PTK7: variants seen among roughly 807,000 people sequenced by gnomAD.
PTK7 encodes the protein protein tyrosine kinase 7 (inactive), also known as inactive tyrosine-protein kinase 7.
Under a neutral mutation model 116.6 loss-of-function variants are expected in PTK7, and 39 were observed. The observed-to-expected ratio is 0.33, with a 90% CI of 0.26 to 0.44. The LOEUF is 0.44. Among genes scored for constraint, PTK7 ranks in the 20% least tolerant of loss-of-function variants. PTK7 has a pLI of 1.00. For synonymous variants in PTK7, 546 were observed against 563.6 expected, an observed-to-expected ratio of 0.97 and a Z score of 0.44; for missense variants, 1,169 against 1,425.6, an observed-to-expected ratio of 0.82 and a Z score of 2.90.
intron 1 of PTK7, chr6:43,077,007 G>T (rs1766065068): frequency 6.9e-7 from 1 of 1,450,314 alleles, no homozygotes. Flanking sequence ...CTGGTTTGGG[G>T]CCCGATGCCG....
In PTK7 at chr6:43,076,405, T is replaced by G; in HGVS notation, c.-84T>G. Reference sequence around the variant, plus strand: ...TGCTGCTGCGGCGCCCGCGCTCCGGTGCGCTCCGCCTCCTGTGCCCGCCGC... The same window carrying G: ...TGCTGCTGCGGCGCCCGCGCTCCGGGGCGCTCCGCCTCCTGTGCCCGCCGC... On this transcript the variant is annotated 5_prime_UTR_variant, in exon 1 of 20. Coordinates refer to ENST00000230419, the MANE Select transcript of PTK7 (RefSeq NM_002821.5). This position sits in a 1 kb window ranked among gnomAD's most constrained non-coding sequence, Gnocchi z 5.7. The G allele has an allele frequency of 8.8e-7, 1 of 1,137,876 alleles. No individual in the cohort carries two copies. Among genetic ancestry groups the G allele is most frequent in the Non-Finnish European group, 1.1e-6 (1 of 873,584 alleles). The allele number at this position is 1,137,876 out of a possible 1,614,324, so 70.5% of individuals were successfully genotyped here. A position where few individuals can be genotyped will look rare whatever the true frequency, so the allele number is the denominator to read the frequency against.
At chr6:43,128,067 C>G (rs1347029244) in intron 1 of PTK7, among the ~76,000 whole-genome samples, 1 of 152,208 alleles carries the variant, frequency 6.6e-6, no homozygotes, top group Non-Finnish European at 1.5e-5. Flanking sequence ...GGCTGCAGAG[C>G]ATTTGCGGAT....
At chr6:43,152,946 T>G (rs1771215948) in intron 17 of PTK7, among the ~76,000 whole-genome samples, 1 of 151,092 alleles carries the variant, frequency 6.6e-6, no homozygotes, top group Non-Finnish European at 1.5e-5. Context: ...CCACCACACC[T>G]GGCTAATTTT....
chr6:43,107,202 G>C (rs1767946491), intron 1 of PTK7, among the ~76,000 whole-genome samples: 4 of 152,190 alleles, frequency 2.6e-5, no homozygotes, highest in Admixed American at 6.5e-5. Context: ...GGGATTACAG[G>C]TGTGAGCCAC....
Position 43,160,941 on chromosome 6 carries a change from A to G in PTK7, c.*60A>G. ...AGGACATCTCTAGAGGGAAGCTCACAGCATGATGGGCAAGATCCCTGTCCT... is the reference window on the plus strand; with the variant it reads ...AGGACATCTCTAGAGGGAAGCTCACGGCATGATGGGCAAGATCCCTGTCCT... On this transcript the variant is annotated 3_prime_UTR_variant, in exon 20 of 20. Transcript: ENST00000230419. 1 of 1,578,152 alleles carries G rather than the reference A, an allele frequency of 6.3e-7. No individual in the cohort carries two copies. The highest frequency in any genetic ancestry group is 1.1e-5 in the South Asian group (1 of 87,400).
In PTK7 at chr6:43,139,382, T is replaced by A. The variant is rs369502357; in HGVS notation, c.1499-24T>A. On this transcript the variant is annotated intron_variant, in intron 9 of 19. Coordinates refer to ENST00000230419, the MANE Select transcript of PTK7 (RefSeq NM_002821.5). This position sits in a 1 kb window ranked among gnomAD's most constrained non-coding sequence, Gnocchi z 4.6. ...TCCAGCGGCCCCAATTCCTCGTCTT[T>A]CTACCCACCCTCTGCTGAAACAGAA... 6.2e-7 allele frequency: 1 copy of A among 1,613,986 alleles called. No homozygotes were observed. The highest frequency in any genetic ancestry group is 1.3e-5 in the African/African-American group (1 of 74,924).
At chr6:43,123,142 G>A (rs1339239670) in intron 1 of PTK7, among the ~76,000 whole-genome samples, 3 of 151,762 alleles carry the variant, frequency 2.0e-5, no homozygotes, top group Admixed American at 6.6e-5. Context: ...CTGACGGATG[G>A]CGTTTTCTTT....
In PTK7 at chr6:43,122,676, G is replaced by A. The variant is rs12174343; in HGVS notation, c.80-6301G>A. On this transcript the variant is annotated intron_variant, in intron 1 of 19. Transcript: ENST00000230419. ...GGCTGGAGTGCAGTGGCATGATCTCGGCTCACTGCAACCTCTGTCTCCCTG... is the reference window on the plus strand; with the variant it reads ...GGCTGGAGTGCAGTGGCATGATCTCAGCTCACTGCAACCTCTGTCTCCCTG... Among the ~76,000 whole-genome samples, 41 of 149,220 alleles carry A rather than the reference G, an allele frequency of 2.7e-4. No homozygotes were observed. In the East Asian group the frequency reaches 7.9e-3, roughly 29 times the overall value.
At chr6:43,157,364 A>ATATATATATATATATATTT (rs70990168) in intron 17 of PTK7, among the ~76,000 whole-genome samples, 3 of 54,358 alleles carry the variant, frequency 5.5e-5, no homozygotes, top group Non-Finnish European at 6.5e-5. Flanking sequence ...ATATATATAT[A>ATATATATATATATATATTT]TTTTTTTTTT....
At chr6:43,146,415 GAGAC>G (rs2150458952) in intron 16 of PTK7, among the ~76,000 whole-genome samples, 199 bp from the exon 17 acceptor site, 1 of 151,974 alleles carries the variant, frequency 6.6e-6, no homozygotes, top group African/African-American at 2.4e-5. Context: ...CTTTCTAACT[GAGAC>G]AGCCTCTAGG....
chr6:43,097,175 T>C (rs1170230984), intron 1 of PTK7, among the ~76,000 whole-genome samples: 1 of 152,052 alleles, frequency 6.6e-6, no homozygotes, highest in African/African-American at 2.4e-5. Flanking sequence ...CCTTGCTGAG[T>C]TGGGGGCACC....
intron 1 of PTK7, among the ~76,000 whole-genome samples, chr6:43,080,890 C>T (rs371322869): frequency 2.0e-5 from 3 of 151,846 alleles, no homozygotes; most frequent in African/African-American, 4.8e-5. Flanking sequence ...TGCAGTGAGC[C>T]GAGATCGCGC....
rs1364091307 is a variant in PTK7 at position 43,076,470 on chromosome 6, T to G, written c.-19T>G. ...GCGCCCGCCGTGCGCCCTCAGCTCC[T>G]TTTCCTGAGCCCGCCGCGATGGGAG... is the stretch of plus-strand genomic sequence containing the variant. On this transcript the variant is annotated 5_prime_UTR_variant, in exon 1 of 20. Coordinates refer to ENST00000230419, the MANE Select transcript of PTK7 (RefSeq NM_002821.5). The surrounding 1 kb of genome is among the most constrained non-coding windows in gnomAD (Gnocchi z 5.7). The G allele has an allele frequency of 1.3e-6, 2 of 1,553,586 alleles. No homozygotes were observed. Among genetic ancestry groups the G allele is most frequent in the Non-Finnish European group, 1.7e-6 (2 of 1,157,402 alleles).
intron 1 of PTK7, among the ~76,000 whole-genome samples, chr6:43,109,792 G>T (rs560204052): frequency 2.0e-5 from 3 of 147,738 alleles, no homozygotes; most frequent in African/African-American, 7.5e-5. Flanking sequence ...TCTGCCTCCC[G>T]GGTTCACACC....
chr6:43,156,228 C>CAA lies in PTK7; in HGVS notation c.2722-2564_2722-2563dup, dbSNP rs5875828. Among the ~76,000 whole-genome samples the CAA allele has an allele frequency of 7.3e-3, 347 of 47,288 alleles. 16 individuals are homozygous for CAA. The highest frequency in any genetic ancestry group is 0.024 in the African/African-American group (279 of 11,776). 31.0% of individuals were successfully genotyped at this position (47,288 alleles called of 152,430 possible). ...TGGGTGACAGAGCAATACCCTGTCT[C>CAA]AAAAAAAAAAAAAAAAAAAAAAAAA... On this transcript the variant is annotated intron_variant, in intron 17 of 19. Coordinates refer to ENST00000230419, the MANE Select transcript of PTK7 (RefSeq NM_002821.5).
intron 7 of PTK7, among the ~76,000 whole-genome samples, chr6:43,134,959 C>CT (rs765133275): frequency 4.6e-5 from 7 of 151,916 alleles, no homozygotes; most frequent in East Asian, 1.9e-4. Flanking sequence ...AAAAAAATGT[C>CT]TAAGACATTG....
intron 18 of PTK7, among the ~76,000 whole-genome samples, chr6:43,159,432 G>C (rs573929777): frequency 2.6e-5 from 4 of 152,292 alleles, no homozygotes; most frequent in African/African-American, 9.6e-5. Context: ...TCTGACTATA[G>C]CTGTAGTGAG....
chr6:43,129,412 G>A lies in PTK7; in HGVS notation c.367+148G>A. On this transcript the variant is annotated intron_variant, in intron 2 of 19. Coordinates refer to ENST00000230419, the MANE Select transcript of PTK7 (RefSeq NM_002821.5). The surrounding 1 kb of genome is among the most constrained non-coding windows in gnomAD (Gnocchi z 4.5). ...TATCATCAGCTTTTTTTGCTCATGTGGATAAGAGGAAATTAAAAGTTATAT... is the reference window on the plus strand; with the variant it reads ...TATCATCAGCTTTTTTTGCTCATGTAGATAAGAGGAAATTAAAAGTTATAT... 9.1e-7 allele frequency: 1 copy of A among 1,096,786 alleles called. No individual in the cohort carries two copies. Among genetic ancestry groups the A allele is most frequent in the Non-Finnish European group, 1.3e-6 (1 of 776,988 alleles). The allele number at this position is 1,096,786 out of a possible 1,614,324, so 67.9% of individuals were successfully genotyped here.
chr6:43,081,176 T>G (rs1178270310), intron 1 of PTK7, among the ~76,000 whole-genome samples: 1 of 152,228 alleles, frequency 6.6e-6, no homozygotes, highest in Non-Finnish European at 1.5e-5. Context: ...TGCCTTCTCC[T>G]GTCTCTCTGT....
Sources: allele counts gnomAD v4.1 joint callset (sites outside exome capture counted in the v4.1 genomes callset), GRCh38; gene constraint gnomAD v4.1.1; non-coding constraint Gnocchi (gnomAD v3.1); transcripts MANE v1.5; gene names NCBI Gene and HGNC (gene_info 2026-07-23, HGNC 2026-07-21).